FOLH1: variants seen among roughly 807,000 people sequenced by gnomAD.
The protein encoded by FOLH1 is glutamate carboxypeptidase 2.
A neutral mutation model predicts 93.9 loss-of-function variants in FOLH1; 54 were observed. That is an observed-to-expected ratio of 0.57 (90% CI 0.46 to 0.72). FOLH1 has a LOEUF of 0.72. Ranked by LOEUF, FOLH1 falls within the 30% of genes least tolerant of loss-of-function variation. The probability of loss-of-function intolerance (pLI) is 0.00; values close to 1 mark genes in which losing one functional copy is unlikely to be tolerated. For synonymous variants in FOLH1, 249 were observed against 303.6 expected (o/e 0.82, Z 1.87); for missense variants, 571 against 892.5 (o/e 0.64, Z 4.59).
intron 7 of FOLH1, 69 bp downstream of exon 7, chr11:49,183,080 G>T: frequency 7.4e-7 from 1 of 1,354,442 alleles, no homozygotes; most frequent in Non-Finnish European, 1.0e-6. Flanking sequence ...GGAGATAAAA[G>T]CCTAACATTT....
chr11:49,188,143 AG>A (rs1168378098), intron 4 of FOLH1, among the ~76,000 whole-genome samples: 1 of 152,214 alleles, frequency 6.6e-6, no homozygotes, highest in Non-Finnish European at 1.5e-5. Flanking sequence ...TCCTTGAATC[AG>A]TATATCTTTA....
intron 4 of FOLH1, among the ~76,000 whole-genome samples, chr11:49,187,032 AG>A (rs1206996815): frequency 6.7e-6 from 1 of 149,920 alleles, no homozygotes; most frequent in Non-Finnish European, 1.5e-5. Flanking sequence ...AAGCTACAGA[AG>A]CACCCCCCCC....
intron 4 of FOLH1, among the ~76,000 whole-genome samples, chr11:49,189,818 T>C (rs2634247): frequency 6.6e-6 from 1 of 152,162 alleles, no homozygotes. Flanking sequence ...ATAAGTAGTA[T>C]AGAAAAAATT....
intron 11 of FOLH1, among the ~76,000 whole-genome samples, chr11:49,170,352 C>T (rs1420222193): frequency 3.3e-5 from 5 of 152,122 alleles, no homozygotes; most frequent in East Asian, 1.9e-4. Context: ...TGGTGACGCA[C>T]GCCTGTATTC....
chr11:49,206,907 T>C (rs1864038392), intron 1 of FOLH1: 4 of 830,202 alleles, frequency 4.8e-6, no homozygotes, highest in Non-Finnish European at 7.8e-6. Context: ...CCAGGGTTTA[T>C]TTAGAGAAAT....
At chr11:49,205,665 T>A (rs538353992) in intron 2 of FOLH1, among the ~76,000 whole-genome samples, 39 of 152,374 alleles carry the variant, frequency 2.6e-4, no homozygotes, top group African/African-American at 8.7e-4. Flanking sequence ...ATGGTTTTTA[T>A]ATTTTAAATT....
rs1325649125 is a variant in FOLH1, at chr11:49,145,632, G to A, written c.*1124C>T. Reference sequence around the variant, plus strand: ...CTACAGCGACTTCTTAACTTTGAGCGAGGCCACAATGTGAGGGGACTCTTC... The same window carrying A: ...CTACAGCGACTTCTTAACTTTGAGCAAGGCCACAATGTGAGGGGACTCTTC... On this transcript the variant is annotated 3_prime_UTR_variant, in exon 19 of 19. Transcript: ENST00000256999. Among the ~76,000 whole-genome samples, 1 of 152,138 alleles carries A rather than the reference G, an allele frequency of 6.6e-6. No individual in the cohort carries two copies. Among genetic ancestry groups the A allele is most frequent in the East Asian group, 1.9e-4 (1 of 5,178 alleles).
At position 49,176,070 on chromosome 11, in the gene FOLH1, A is replaced by C. The variant is rs1859991092; in HGVS notation, c.921-113T>G. 22 of 923,162 alleles carry C rather than the reference A, an allele frequency of 2.4e-5. No individual in the cohort carries two copies. The South Asian group carries it at 3.2e-4, about 13-fold the overall frequency. The allele number at this position is 923,162 out of a possible 1,614,324, so 57.2% of individuals were successfully genotyped here. On this transcript the variant is annotated intron_variant, in intron 7 of 18. Coordinates refer to ENST00000256999, the MANE Select transcript of FOLH1 (RefSeq NM_004476.3). The stretch of plus-strand genomic sequence containing the variant: ...TGCTCATAATATCTTTAATGAGTGC[A>C]AAGTGCTTTGAATATAATACGTCAT...
In FOLH1 at chr11:49,157,893, C is replaced by T. The variant is rs2134938331; in HGVS notation, c.1532+59G>A. The stretch of plus-strand genomic sequence containing the variant: ...CACTTAATGATTGAAAGAAAATGTG[C>T]TTTTATTTTCAAAACAATCCCACAC... On this transcript the variant is annotated intron_variant, in intron 14 of 18. Coordinates refer to ENST00000256999, the MANE Select transcript of FOLH1 (RefSeq NM_004476.3). 3.5e-6 allele frequency: 5 copies of T among 1,429,314 alleles called. No homozygotes were observed. In the South Asian group the frequency reaches 7.4e-5, roughly 21 times the overall value. The allele number at this position is 1,429,314 out of a possible 1,614,324, so 88.5% of individuals were successfully genotyped here. A position where few individuals can be genotyped will look rare whatever the true frequency, so the allele number is the denominator to read the frequency against.
chr11:49,165,663 G>A (rs1309491582), intron 12 of FOLH1, among the ~76,000 whole-genome samples: 13 of 152,282 alleles, frequency 8.5e-5, no homozygotes, highest in African/African-American at 2.2e-4. Flanking sequence ...TAGCCTGTGC[G>A]AATGCCCAGA....
At chr11:49,198,026 C>T (rs1321425288) in intron 3 of FOLH1, among the ~76,000 whole-genome samples, 1 of 151,958 alleles carries the variant, frequency 6.6e-6, no homozygotes, top group Non-Finnish European at 1.5e-5. Context: ...TAACACTATT[C>T]AGGAAAATCT....
At chr11:49,160,752 A>G (rs563213774) in intron 13 of FOLH1, among the ~76,000 whole-genome samples, 1 of 152,170 alleles carries the variant, frequency 6.6e-6, no homozygotes, top group South Asian at 2.1e-4. Flanking sequence ...AGATATTTCT[A>G]ACTTTTAATG....
At chr11:49,193,916 T>C (rs1289122210) in intron 3 of FOLH1, among the ~76,000 whole-genome samples, 2 of 151,934 alleles carry the variant, frequency 1.3e-5, no homozygotes, top group African/African-American at 4.8e-5. Context: ...TCCCAGCACT[T>C]TGGGAGCCCA....
At chr11:49,165,792 T>C (rs562270731) in intron 12 of FOLH1, among the ~76,000 whole-genome samples, 1 of 152,304 alleles carries the variant, frequency 6.6e-6, no homozygotes, top group African/African-American at 2.4e-5. Flanking sequence ...CACAACAGAA[T>C]TGTTTATGGA....
At chr11:49,198,654 C>T (rs1327381910) in intron 3 of FOLH1, among the ~76,000 whole-genome samples, 3 of 151,616 alleles carry the variant, frequency 2.0e-5, no homozygotes. Flanking sequence ...TTTTAAAGAC[C>T]CCTCGGTATT....
At chr11:49,206,403 A>G in intron 1 of FOLH1, 3 of 756,320 alleles carry the variant, frequency 4.0e-6, no homozygotes, top group South Asian at 1.5e-5. Flanking sequence ...TCCAACTTCA[A>G]TGATAGGTAT....
At chr11:49,199,399 T>A (rs1009015098) in intron 3 of FOLH1, among the ~76,000 whole-genome samples, 5 of 152,342 alleles carry the variant, frequency 3.3e-5, no homozygotes, top group African/African-American at 1.2e-4. Flanking sequence ...CAAACAAGAT[T>A]GCAAATTCTT....
chr11:49,186,048 A>G (rs1485455803), intron 5 of FOLH1, 193 bp from the exon 6 acceptor site: 38 of 843,200 alleles, frequency 4.5e-5, no homozygotes, highest in Non-Finnish European at 5.0e-5. Flanking sequence ...AAAAATCCTC[A>G]GAACATCAGA....
At chr11:49,169,077 C>T (rs1858857204) in intron 12 of FOLH1, 118 bp downstream of exon 12, 1 of 1,117,096 alleles carries the variant, frequency 9.0e-7, no homozygotes, top group Non-Finnish European at 1.3e-6. Context: ...TCAGAGGTTG[C>T]AGTAGATTCC....
Sources: allele counts gnomAD v4.1 joint callset (sites outside exome capture counted in the v4.1 genomes callset), GRCh38; gene constraint gnomAD v4.1.1; transcripts MANE v1.5; gene names NCBI Gene and HGNC (gene_info 2026-07-23, HGNC 2026-07-21).